CSGALNACT1: variants seen among roughly 807,000 people sequenced by gnomAD.
The protein encoded by CSGALNACT1 is beta4GalNAcT-1.
CSGALNACT1 carries 52 observed loss-of-function variants against 51.0 expected under a neutral mutation model. That is an observed-to-expected ratio of 1.02 (90% CI 0.82 to 1.29). The LOEUF is 1.29. Among genes scored for constraint, CSGALNACT1 ranks in the 50% most tolerant of loss-of-function variants. CSGALNACT1 has a pLI of 0.00. For synonymous variants in CSGALNACT1, 341 were observed against 254.4 expected (o/e 1.34, Z -3.24); for missense variants, 935 against 679.2 (o/e 1.38, Z -4.19).
At chr8:19,554,957 G>C (rs755298018) in intron 3 of CSGALNACT1, among the ~76,000 whole-genome samples, 7 of 151,028 alleles carry the variant, frequency 4.6e-5, no homozygotes, top group African/African-American at 1.5e-4. Flanking sequence ...AGAAAGAAAT[G>C]AGCCGGGCGT....
chr8:19,639,355 T>G (rs1322211632), intron 1 of CSGALNACT1, among the ~76,000 whole-genome samples: 1 of 152,224 alleles, frequency 6.6e-6, no homozygotes, highest in Non-Finnish European at 1.5e-5. Context: ...GCTATTGTTG[T>G]TTTTGGATTA....
intron 1 of CSGALNACT1, among the ~76,000 whole-genome samples, chr8:19,613,514 T>C (rs1194506715): frequency 6.6e-6 from 1 of 152,270 alleles, no homozygotes; most frequent in African/African-American, 2.4e-5. Flanking sequence ...TCATTTTTAA[T>C]GGTACAATAT....
chr8:19,416,109 C>CTTTTTTTTTTTT (rs34491658), intron 8 of CSGALNACT1, among the ~76,000 whole-genome samples: 2 of 116,716 alleles, frequency 1.7e-5, no homozygotes, highest in Non-Finnish European at 3.4e-5. Flanking sequence ...GAAATGAAAA[C>CTTTTTTTTTTTT]TTTTTTTTTT....
intron 2 of CSGALNACT1, among the ~76,000 whole-genome samples, chr8:19,599,472 A>AAAAGAAAGAAAAAGGAAG (rs1319884772): frequency 1.8e-5 from 2 of 113,736 alleles, no homozygotes; most frequent in African/African-American, 7.1e-5. Flanking sequence ...GAAAGAAAGA[A>AAAAGAAAGAAAAAGGAAG]AAAGAAAGAA....
At chr8:19,611,653 T>C (rs1466079267) in intron 1 of CSGALNACT1, among the ~76,000 whole-genome samples, 2 of 152,206 alleles carry the variant, frequency 1.3e-5, no homozygotes, top group African/African-American at 4.8e-5. Context: ...ATTAAACTTC[T>C]GGCCCTCTTC....
Position 19,703,283 on chromosome 8 carries a change from A to G in CSGALNACT1, c.-297+54567T>C, listed in dbSNP as rs1341464608. Reference sequence around the variant, plus strand: ...CACTCGAAGTTGTTACATAATAAGAACAGGCTGACCTCTCTTGGTTTGTTG... The same window carrying G: ...CACTCGAAGTTGTTACATAATAAGAGCAGGCTGACCTCTCTTGGTTTGTTG... On this transcript the variant is annotated intron_variant, in intron 1 of 1. Coordinates refer to the CSGALNACT1 transcript ENST00000517494. 2.0e-5 allele frequency among the ~76,000 whole-genome samples: 3 copies of G among 152,116 alleles called. No individual in the cohort carries two copies. The East Asian group carries it at 5.8e-4, about 29-fold the overall frequency.
intron 3 of CSGALNACT1, among the ~76,000 whole-genome samples, chr8:19,534,561 A>G (rs932849417): frequency 6.6e-6 from 1 of 152,168 alleles, no homozygotes; most frequent in Non-Finnish European, 1.5e-5. Context: ...AAGTGGGGAA[A>G]ACACACCAAT....
intron 1 of CSGALNACT1, among the ~76,000 whole-genome samples, chr8:19,674,858 G>T (rs2060059410): frequency 6.6e-6 from 1 of 152,138 alleles, no homozygotes; most frequent in African/African-American, 2.4e-5. Flanking sequence ...GTAGCTAATG[G>T]CTTAGATTTG....
chr8:19,461,521 G>A (rs867611202), intron 4 of CSGALNACT1, among the ~76,000 whole-genome samples: 1 of 134,082 alleles, frequency 7.5e-6, no homozygotes, highest in Admixed American at 7.3e-5. Flanking sequence ...CATGGGGGGC[G>A]TATCCGCACA....
chr8:19,524,188 G>T, intron 3 of CSGALNACT1, among the ~76,000 whole-genome samples: 1 of 152,112 alleles, frequency 6.6e-6, no homozygotes, highest in East Asian at 1.9e-4. Flanking sequence ...TCCTTGGAAG[G>T]ATGAGGCAGG....
intron 1 of CSGALNACT1, among the ~76,000 whole-genome samples, chr8:19,655,015 C>A (rs1318995813): frequency 6.6e-6 from 1 of 152,090 alleles, no homozygotes; most frequent in Non-Finnish European, 1.5e-5. Flanking sequence ...GACATACATT[C>A]CTTTATTTAA....
At chr8:19,523,917 C>G (rs113228433) in intron 3 of CSGALNACT1, among the ~76,000 whole-genome samples, 20 of 152,322 alleles carry the variant, frequency 1.3e-4, no homozygotes, top group African/African-American at 4.3e-4. Flanking sequence ...ACAGAAGCTT[C>G]TGCAGAGCCT....
At chr8:19,588,815 C>G (rs2047205402) in intron 3 of CSGALNACT1, among the ~76,000 whole-genome samples, 1 of 152,222 alleles carries the variant, frequency 6.6e-6, no homozygotes, top group African/African-American at 2.4e-5. Flanking sequence ...CAGATCCTAG[C>G]TGTACTTCCA....
intron 1 of CSGALNACT1, among the ~76,000 whole-genome samples, chr8:19,753,583 C>A (rs78569225): frequency 6.6e-6 from 1 of 151,956 alleles, no homozygotes; most frequent in Non-Finnish European, 1.5e-5. Flanking sequence ...TATTGCCTAG[C>A]GTGGTTTTGA....
rs115396751 is a variant in CSGALNACT1, at chr8:19,514,196, C to T, written c.-296-8066G>A. 8.7e-3 allele frequency among the ~76,000 whole-genome samples: 1,329 copies of T among 152,100 alleles called. 16 individuals carry two copies. Among genetic ancestry groups the T allele is most frequent in the African/African-American group, 0.03 (1,250 of 41,466 alleles). On this transcript the variant is annotated intron_variant, in intron 3 of 9. Transcript: ENST00000454498. ...TCCCAGCGAGAGGACAGGGGTCCCA[C>T]TGGGGAGTCAACAATTAAATGCCAA... is the stretch of plus-strand genomic sequence containing the variant.
chr8:19,647,688 A>C (rs2057403062), intron 1 of CSGALNACT1, among the ~76,000 whole-genome samples: 1 of 152,228 alleles, frequency 6.6e-6, no homozygotes, highest in Non-Finnish European at 1.5e-5. Flanking sequence ...ACAGATAAAG[A>C]AATTGCAAAT....
chr8:19,574,660 T>C (rs1465922225), intron 3 of CSGALNACT1, among the ~76,000 whole-genome samples: 1 of 152,118 alleles, frequency 6.6e-6, no homozygotes. Flanking sequence ...CTGTACACCA[T>C]GGAACTGTGC....
chr8:19,624,603 T>G (rs569286197), intron 1 of CSGALNACT1, among the ~76,000 whole-genome samples: 1 of 152,144 alleles, frequency 6.6e-6, no homozygotes, highest in Non-Finnish European at 1.5e-5. Context: ...TTAATGGAGT[T>G]TGGAGTCTCC....
chr8:19,623,953 C>G (rs1165065632), intron 1 of CSGALNACT1, among the ~76,000 whole-genome samples: 2 of 152,224 alleles, frequency 1.3e-5, no homozygotes, highest in Non-Finnish European at 2.9e-5. Context: ...TCTAGGAGAT[C>G]ACTGGAGGCA....
Sources: allele counts gnomAD v4.1 joint callset (sites outside exome capture counted in the v4.1 genomes callset), GRCh38; gene constraint gnomAD v4.1.1; transcripts MANE v1.5; gene names NCBI Gene and HGNC (gene_info 2026-07-23, HGNC 2026-07-21).